The following PHACTR1 variants were observed in gnomAD, a reference collection of about 807,000 sequenced individuals.
PHACTR1 encodes the protein RPEL repeat containing 1.
A neutral mutation model predicts 69.2 loss-of-function variants in PHACTR1; 16 were observed. The ratio of observed to expected loss-of-function variants is 0.23; its 90% confidence interval spans 0.16 to 0.35. The LOEUF is 0.35. Among genes scored for constraint, PHACTR1 ranks in the 10% least tolerant of loss-of-function variants. The pLI is 1.00. For synonymous variants in PHACTR1, 312 were observed against 284.5 expected, an observed-to-expected ratio of 1.10 and a Z score of -0.97; for missense variants, 510 against 734.7, an observed-to-expected ratio of 0.69 and a Z score of 3.54.
At position 13,283,130 on chromosome 6, in the gene PHACTR1, T is replaced by G. The variant is rs1780661629; in HGVS notation, c.1510-292T>G. ...TAGTCTCCTTCCTTGTTTTGAAAAT[T>G]TACATAATAAAAGATTTTTTTTAAG... is the stretch of plus-strand genomic sequence containing the variant. On this transcript the variant is annotated intron_variant, in intron 12 of 14. Transcript: ENST00000332995. This position sits in a 1 kb window ranked among gnomAD's most constrained non-coding sequence, Gnocchi z 4.7. Among the ~76,000 whole-genome samples, 2 of 150,222 alleles carry G rather than the reference T, an allele frequency of 1.3e-5. No individual in the cohort carries two copies. The highest frequency in any genetic ancestry group is 1.3e-4 in the Admixed American group (2 of 15,022).
chr6:13,039,047 C>G (rs1803780301), intron 4 of PHACTR1, among the ~76,000 whole-genome samples: 1 of 152,210 alleles, frequency 6.6e-6, no homozygotes, highest in Non-Finnish European at 1.5e-5. Flanking sequence ...CACCTACCCT[C>G]AGAGGAGGCT....
At chr6:12,978,117 C>T (rs1490798078) in intron 4 of PHACTR1, among the ~76,000 whole-genome samples, 1 of 152,090 alleles carries the variant, frequency 6.6e-6, no homozygotes, top group African/African-American at 2.4e-5. Flanking sequence ...TCTAGAAATC[C>T]AACCGCATCC....
intron 4 of PHACTR1, among the ~76,000 whole-genome samples, chr6:12,794,681 A>C (rs1772751774): frequency 6.6e-6 from 1 of 152,188 alleles, no homozygotes; most frequent in South Asian, 2.1e-4. Context: ...TTGAAATTCG[A>C]TGTGCGTCTT....
chr6:13,260,993 A>G (rs1382072463), intron 10 of PHACTR1, among the ~76,000 whole-genome samples: 1 of 152,202 alleles, frequency 6.6e-6, no homozygotes, highest in Non-Finnish European at 1.5e-5. Flanking sequence ...GAAGATGTTT[A>G]GCACCCTGGC....
chr6:13,202,902 G>A (rs1765422008), intron 7 of PHACTR1, among the ~76,000 whole-genome samples: 1 of 152,226 alleles, frequency 6.6e-6, no homozygotes, highest in South Asian at 2.1e-4. Context: ...TCCTGAATGT[G>A]GTGACCTTGC....
intron 6 of PHACTR1, among the ~76,000 whole-genome samples, chr6:13,169,599 T>A (rs1471803059): frequency 6.6e-6 from 1 of 152,098 alleles, no homozygotes; most frequent in Admixed American, 6.5e-5. Context: ...ATGTGTAGCA[T>A]TATGGAAGCC....
At chr6:13,023,437 A>T (rs1479557007) in intron 4 of PHACTR1, among the ~76,000 whole-genome samples, 2 of 152,156 alleles carry the variant, frequency 1.3e-5, no homozygotes, top group African/African-American at 4.8e-5. Flanking sequence ...GCACATGGAG[A>T]TTTGCCTCCA....
chr6:12,769,871 C>T (rs938718473), intron 4 of PHACTR1, among the ~76,000 whole-genome samples: 3 of 152,190 alleles, frequency 2.0e-5, no homozygotes, highest in Non-Finnish European at 4.4e-5. Context: ...CCCCCCAAGT[C>T]GAGCCTTGGC....
At chr6:12,751,010 G>T (rs1320418797) in intron 4 of PHACTR1, among the ~76,000 whole-genome samples, 1 of 152,180 alleles carries the variant, frequency 6.6e-6, no homozygotes, top group African/African-American at 2.4e-5. Context: ...GCGTGCGCGT[G>T]CATGGTGCAT....
chr6:13,001,992 G>C (rs549248439), intron 4 of PHACTR1, among the ~76,000 whole-genome samples: 1 of 152,092 alleles, frequency 6.6e-6, no homozygotes, highest in African/African-American at 2.4e-5. Context: ...ATTCCTCCCC[G>C]CAATACTTGG....
chr6:13,134,138 G>C (rs1313410015), intron 5 of PHACTR1, among the ~76,000 whole-genome samples: 1 of 151,610 alleles, frequency 6.6e-6, no homozygotes, highest in Non-Finnish European at 1.5e-5. Context: ...TCTCCGCCTG[G>C]CAGCCGCCCC....
intron 4 of PHACTR1, among the ~76,000 whole-genome samples, chr6:12,796,577 G>T (rs944156417): frequency 6.6e-6 from 1 of 152,122 alleles, no homozygotes; most frequent in African/African-American, 2.4e-5. Context: ...TGATTTTATG[G>T]TCGGATTCCC....
intron 4 of PHACTR1, among the ~76,000 whole-genome samples, chr6:12,970,833 C>T (rs9463337): frequency 0.51 from 77,194 of 152,008 alleles, 22,684 homozygotes; most frequent in African/African-American, 0.81. Flanking sequence ...ATGACAGGCT[C>T]TAATTAAACA....
At chr6:12,971,571 A>G (rs1242728332) in intron 4 of PHACTR1, among the ~76,000 whole-genome samples, 1 of 152,236 alleles carries the variant, frequency 6.6e-6, no homozygotes, top group East Asian at 1.9e-4. Flanking sequence ...ACAAATCCAC[A>G]GGGACAGAAC....
intron 4 of PHACTR1, among the ~76,000 whole-genome samples, chr6:12,787,935 T>G (rs947321393): frequency 2.3e-4 from 35 of 152,102 alleles, no homozygotes; most frequent in African/African-American, 7.5e-4. Context: ...GGCTGGCGGA[T>G]CACCTGAGGT....
chr6:12,867,983 G>A (rs777411668), intron 4 of PHACTR1, among the ~76,000 whole-genome samples: 1 of 152,276 alleles, frequency 6.6e-6, no homozygotes, highest in African/African-American at 2.4e-5. Context: ...GCTAAGGCCA[G>A]GTACGGTGGC....
intron 4 of PHACTR1, among the ~76,000 whole-genome samples, chr6:12,783,177 C>T (rs1042778990): frequency 9.9e-5 from 15 of 152,168 alleles, no homozygotes; most frequent in African/African-American, 3.6e-4. Context: ...TTTCAAGTCA[C>T]AAGTCATCAT....
At chr6:12,936,813 G>T (rs1310047874) in intron 4 of PHACTR1, among the ~76,000 whole-genome samples, 4 of 152,202 alleles carry the variant, frequency 2.6e-5, no homozygotes, top group Non-Finnish European at 5.9e-5. Flanking sequence ...GACAGTTGTG[G>T]TAAGTCTTGA....
intron 4 of PHACTR1, among the ~76,000 whole-genome samples, chr6:12,991,882 T>A (rs950889762): frequency 2.0e-5 from 3 of 151,940 alleles, no homozygotes; most frequent in Admixed American, 1.3e-4. Flanking sequence ...CCTTGCAAAT[T>A]TCCAATCAGA....
Sources: gnomAD v4.1 joint callset for allele counts (sites outside exome capture counted in the v4.1 genomes callset) on GRCh38, gnomAD v4.1.1 for gene constraint, Gnocchi (gnomAD v3.1) non-coding constraint, MANE v1.5 for transcripts, NCBI Gene and HGNC (gene_info 2026-07-23, HGNC 2026-07-21) for gene names.